PICALM: variants seen among roughly 807,000 people sequenced by gnomAD.
The protein encoded by PICALM is phosphatidylinositol-binding clathrin assembly protein.
In PICALM, 40 loss-of-function variants were observed where a neutral mutation model predicts 80.5. The observed-to-expected ratio is 0.50, with a 90% confidence interval of 0.39 to 0.65. PICALM has a LOEUF of 0.65. Among genes scored for constraint, PICALM ranks in the 30% least tolerant of loss-of-function variants. PICALM has a pLI of 0.00. For missense variants in PICALM, 676 were observed against 778.9 expected, an observed-to-expected ratio of 0.87 and a Z score of 1.57; for synonymous variants, 288 against 260.3, an observed-to-expected ratio of 1.11 and a Z score of -1.02.
intron 12 of PICALM, among the ~76,000 whole-genome samples, chr11:85,991,281 A>T (rs569904761): frequency 8.8e-4 from 134 of 152,308 alleles, no homozygotes; most frequent in Non-Finnish European, 1.4e-3. Flanking sequence ...AACATAATTA[A>T]AATAAGAGGA....
intron 1 of PICALM, among the ~76,000 whole-genome samples, chr11:86,065,934 C>G (rs1178182957): frequency 1.3e-5 from 2 of 152,150 alleles, no homozygotes; most frequent in East Asian, 3.9e-4. Context: ...CGAAAAACAA[C>G]AGTCCTAAGC....
At position 86,060,535 on chromosome 11, in the gene PICALM, A is replaced by C. The variant is rs184100882; in HGVS notation, c.130+8116T>G. ...TCCACTGTACAGTGGTTCTTGAAAG[A>C]ATAAAAATAGAAAAGGCAAATAATG... On this transcript the variant is annotated intron_variant, in intron 1 of 19. Transcript: ENST00000393346. Among the ~76,000 whole-genome samples the C allele has an allele frequency of 1.3e-3, 200 of 152,322 alleles. 1 individual carries two copies. Among genetic ancestry groups the C allele is most frequent in the African/African-American group, 4.7e-3 (195 of 41,574 alleles).
At chr11:86,003,263 A>G (rs2095195107) in intron 9 of PICALM, 103 bp downstream of exon 9, 1 of 588,986 alleles carries the variant, frequency 1.7e-6, no homozygotes, top group East Asian at 2.6e-5. Context: ...ATAGAAAATG[A>G]AATCAAGATA....
chr11:85,980,248 G>A (rs180908739), intron 17 of PICALM, among the ~76,000 whole-genome samples: 41 of 152,334 alleles, frequency 2.7e-4, no homozygotes, highest in Non-Finnish European at 4.9e-4. Context: ...GGATAGAGAA[G>A]GAGGATGGGG....
upstream of PICALM, chr11:86,069,718 AC>A (rs1289081761): frequency 6.6e-6 from 1 of 151,904 alleles, no homozygotes; most frequent in East Asian, 1.9e-4. Flanking sequence ...TTATTTACTT[AC>A]CCCAGAAAGG....
intron 4 of PICALM, 85 bp downstream of exon 4, chr11:86,022,282 T>C: frequency 1.3e-6 from 1 of 755,298 alleles, no homozygotes; most frequent in Non-Finnish European, 2.1e-6. Flanking sequence ...CTGGCTAAAA[T>C]TTCATAATTC....
chr11:86,059,687 A>C (rs1363242707), intron 1 of PICALM, among the ~76,000 whole-genome samples: 2 of 152,126 alleles, frequency 1.3e-5, no homozygotes, highest in African/African-American at 2.4e-5. Flanking sequence ...CCTTGAGCCC[A>C]AGAGTTCAGA....
chr11:86,033,996 G>A (rs945170693), intron 1 of PICALM, among the ~76,000 whole-genome samples: 5 of 152,068 alleles, frequency 3.3e-5, no homozygotes, highest in African/African-American at 9.7e-5. Flanking sequence ...AAATTAAAAG[G>A]GGATCTAACA....
rs1033798013 is a variant in PICALM, at chr11:85,977,956, A to G, written c.1780-1274T>C. The G allele has an allele frequency of 1.3e-5, 10 of 795,568 alleles. No homozygotes were observed. In the African/African-American group the frequency reaches 1.5e-4, roughly 12 times the overall value. The allele number at this position is 795,568 out of a possible 1,614,324, so 49.3% of individuals were successfully genotyped here. Reference sequence around the variant, plus strand: ...AGATGCTAGGAAGAATTTCTGGCACATTGAAAATCTGAATGTGAAAACAAG... The same window carrying G: ...AGATGCTAGGAAGAATTTCTGGCACGTTGAAAATCTGAATGTGAAAACAAG... On this transcript the variant is annotated intron_variant, in intron 17 of 19. Transcript: ENST00000393346.
chr11:86,056,256 T>G (rs752422441), intron 1 of PICALM, among the ~76,000 whole-genome samples: 1 of 146,774 alleles, frequency 6.8e-6, no homozygotes, highest in Non-Finnish European at 1.5e-5. Context: ...GGAAAAAAAT[T>G]ACAAATCATA....
intron 19 of PICALM, among the ~76,000 whole-genome samples, chr11:85,970,885 A>G (rs1249510395): frequency 5.3e-5 from 8 of 152,226 alleles, no homozygotes; most frequent in Admixed American, 3.3e-4. Context: ...AGATTGTTCC[A>G]ATATTTACAA....
chr11:86,027,171 T>C (rs540865509), intron 2 of PICALM, among the ~76,000 whole-genome samples: 1 of 152,304 alleles, frequency 6.6e-6, no homozygotes, highest in South Asian at 2.1e-4. Flanking sequence ...ATTTTCGCTA[T>C]TATTAACAAA....
intron 4 of PICALM, among the ~76,000 whole-genome samples, chr11:86,018,053 T>C (rs576939782): frequency 2.5e-4 from 38 of 152,286 alleles, no homozygotes; most frequent in African/African-American, 8.9e-4. Context: ...TATTATTTTT[T>C]AAAAGTCAGT....
rs1298416688 is a variant in PICALM at position 85,976,655 on chromosome 11, T to C, written c.1807A>G (p.Thr603Ala). Residue 603 changes from threonine to alanine, a missense_variant, in exon 18 of 20, where the codon ACT (threonine) becomes GCT (alanine). By Grantham distance (58) the Thr-to-Ala change is moderately conservative. Around this residue, in one of 2 missense-constraint regions of PICALM, gnomAD observed 391 missense variants for 383.6 expected, o/e 1.02. Coordinates refer to ENST00000393346, the MANE Select transcript of PICALM (RefSeq NM_007166.4). ...TATCCTATCATGCCTGTTGGTGTAG[T>C]AGCAGGATAGGCCATTACAGGGGGT... The part of the protein sequence containing the change: ...MAPPVMAYPA[T>A]TPTGMIGYGI... 9 of 1,604,492 alleles carry C rather than the reference T, an allele frequency of 5.6e-6. No individual in the cohort carries two copies. The highest frequency in any genetic ancestry group is 1.1e-5 in the South Asian group (1 of 90,884).
intron 9 of PICALM, among the ~76,000 whole-genome samples, chr11:86,001,457 A>G (rs890175891): frequency 8.5e-5 from 13 of 152,240 alleles, no homozygotes; most frequent in African/African-American, 2.9e-4. Flanking sequence ...AGAGGAAACC[A>G]GTGCAATTGG....
chr11:85,968,039 A>G (rs985848805), intron 19 of PICALM, among the ~76,000 whole-genome samples: 4 of 152,218 alleles, frequency 2.6e-5, no homozygotes, highest in Non-Finnish European at 5.9e-5. Flanking sequence ...CAGTCAAGAA[A>G]CCAACAAAAC....
At chr11:86,038,567 G>C (rs981002938) in intron 1 of PICALM, among the ~76,000 whole-genome samples, 3 of 151,984 alleles carry the variant, frequency 2.0e-5, no homozygotes, top group African/African-American at 7.3e-5. Flanking sequence ...TGGATCATGA[G>C]GTCAGGAGTT....
rs185748116 is a variant in PICALM at position 86,047,366 on chromosome 11, T to C, written c.131-15755A>G. On this transcript the variant is annotated intron_variant, in intron 1 of 19. Coordinates refer to ENST00000393346, the MANE Select transcript of PICALM (RefSeq NM_007166.4). ...TCTTTGTGGCTACAATGAACTAAAG[T>C]TGACAGACTATGAGGAAAGCGACAC... is the stretch of plus-strand genomic sequence containing the variant. 2.7e-3 allele frequency among the ~76,000 whole-genome samples: 414 copies of C among 152,362 alleles called. 4 individuals are homozygous for C. The highest frequency in any genetic ancestry group is 0.014 in the Middle Eastern group (4 of 294).
At chr11:86,002,940 G>A (rs2095183920) in intron 9 of PICALM, among the ~76,000 whole-genome samples, 2 of 152,214 alleles carry the variant, frequency 1.3e-5, no homozygotes, top group African/African-American at 4.8e-5. Flanking sequence ...GAACCCAGGA[G>A]GTGGAAGTTG....
Sources: gnomAD v4.1 joint callset for allele counts (sites outside exome capture counted in the v4.1 genomes callset) on GRCh38, gnomAD v4.1.1 for gene constraint, gnomAD v4.1.1 regional missense constraint, MANE v1.5 for transcripts, NCBI Gene and HGNC (gene_info 2026-07-23, HGNC 2026-07-21) for gene names.